Variants in ZSWIM6 observed in about 807,000 individuals in gnomAD.
ZSWIM6 encodes the protein zinc finger SWIM-type containing 6.
ZSWIM6 carries 9 observed loss-of-function variants against 113.2 expected under a neutral mutation model. The observed-to-expected ratio is 0.08, with a 90% CI of 0.05 to 0.14. The LOEUF (loss-of-function observed/expected upper bound fraction) is 0.14. ZSWIM6 is among the 10% of genes least tolerant of loss of function. The pLI, the probability that ZSWIM6 is intolerant of heterozygous loss-of-function variation, is 1.00. For missense variants in ZSWIM6, 1,162 were observed against 1,552.2 expected, an observed-to-expected ratio of 0.75 and a Z score of 4.22; for synonymous variants, 611 against 606.5, an observed-to-expected ratio of 1.01 and a Z score of -0.11.
intron 1 of ZSWIM6, among the ~76,000 whole-genome samples, chr5:61,449,127 GATAGA>G (rs1747031055): frequency 6.6e-6 from 1 of 152,306 alleles, no homozygotes; most frequent in South Asian, 2.1e-4. Context: ...TCATCCTAAT[GATAGA>G]ATAGAGCAGT....
At chr5:61,385,911 G>T (rs931718019) in intron 1 of ZSWIM6, among the ~76,000 whole-genome samples, 11 of 152,138 alleles carry the variant, frequency 7.2e-5, no homozygotes, top group African/African-American at 2.7e-4. Flanking sequence ...TTTTCAGTGG[G>T]GTTCTTGCAC....
At chr5:61,350,385 T>G (rs895075627) in intron 1 of ZSWIM6, among the ~76,000 whole-genome samples, 2 of 152,080 alleles carry the variant, frequency 1.3e-5, no homozygotes, top group East Asian at 1.9e-4. Flanking sequence ...GAAGGTGGTG[T>G]TTTTTGGGAT....
intron 1 of ZSWIM6, among the ~76,000 whole-genome samples, chr5:61,365,431 ATGTT>A (rs1374150160): frequency 7.2e-5 from 11 of 152,140 alleles, no homozygotes; most frequent in Non-Finnish European, 1.2e-4. Context: ...ATTTTGAAAA[ATGTT>A]TGGGAATGGC....
intron 2 of ZSWIM6, among the ~76,000 whole-genome samples, chr5:61,482,785 A>G (rs1428542592): frequency 3.9e-5 from 6 of 152,116 alleles, no homozygotes; most frequent in African/African-American, 1.4e-4. Context: ...AGTTAAGGAA[A>G]TGGAGGCCCG....
At chr5:61,494,505 G>GA in intron 4 of ZSWIM6, 95 bp downstream of exon 4, 1 of 1,458,710 alleles carries the variant, frequency 6.9e-7, no homozygotes, top group South Asian at 1.3e-5. Flanking sequence ...TTGCTGAAGA[G>GA]AGAGCTGCTC....
In ZSWIM6 at chr5:61,544,317, A is replaced by G; in HGVS notation, c.3648A>G (p.Ter1216TrpextTer1). The G allele has an allele frequency of 1.0e-6, 1 of 960,320 alleles. No homozygotes were observed. The highest frequency in any genetic ancestry group is 1.4e-6 in the Non-Finnish European group (1 of 711,950). The allele number at this position is 960,320 out of a possible 1,614,324, so 59.5% of individuals were successfully genotyped here. Residue 1216 changes from the stop codon to tryptophan (W), a stop_lost, in exon 14 of 14, where the codon TGA (stop) becomes TGG (tryptophan). Transcript: ENST00000252744. ...TGTTGGTTCGGGAGAGGTTTGGTTG[A>G]TAGATCTTGTATGAATGGGGTGGGG... is the stretch of plus-strand genomic sequence containing the variant. Reference protein sequence around the residue: ...LMMLVRERFG* With the variant: ...LMMLVRERFGW
At chr5:61,404,618 G>C (rs1163313786) in intron 1 of ZSWIM6, among the ~76,000 whole-genome samples, 1 of 152,202 alleles carries the variant, frequency 6.6e-6, no homozygotes, top group Non-Finnish European at 1.5e-5. Context: ...TTTTCTGCCA[G>C]TAGCTGCCTC....
chr5:61,540,098 G>A (rs1365823940), intron 12 of ZSWIM6, among the ~76,000 whole-genome samples: 1 of 152,224 alleles, frequency 6.6e-6, no homozygotes, highest in African/African-American at 2.4e-5. Context: ...AAGCTAGCAT[G>A]TATAATGAAG....
At chr5:61,453,663 A>C (rs1396709485) in intron 1 of ZSWIM6, among the ~76,000 whole-genome samples, 2 of 151,702 alleles carry the variant, frequency 1.3e-5, no homozygotes, top group African/African-American at 4.8e-5. Context: ...GGTGTAAGCC[A>C]CCACACCCAG....
chr5:61,356,344 C>A (rs1459123433), intron 1 of ZSWIM6, among the ~76,000 whole-genome samples: 1 of 152,010 alleles, frequency 6.6e-6, no homozygotes, highest in East Asian at 1.9e-4. Context: ...GAACCATCTG[C>A]CAATTGATTA....
At chr5:61,446,933 C>T (rs1382519972) in intron 1 of ZSWIM6, among the ~76,000 whole-genome samples, 2 of 152,194 alleles carry the variant, frequency 1.3e-5, no homozygotes, top group African/African-American at 4.8e-5. Flanking sequence ...CTGGTCTACA[C>T]ACATGTTCAA....
At chr5:61,529,946 G>A in intron 7 of ZSWIM6, 106 bp from the exon 8 acceptor site, 4 of 1,019,192 alleles carry the variant, frequency 3.9e-6, no homozygotes, top group Non-Finnish European at 5.5e-6. Context: ...TTCAGAACTG[G>A]TTTATCAGGA....
At position 61,535,261 on chromosome 5, in the gene ZSWIM6, A is replaced by G. The variant is rs118094122; in HGVS notation, c.2246-223A>G. Reference sequence around the variant, plus strand: ...CCCCTGAGTTCTGGGTTTTTCATCTAGCTGTGGGACAGTTAGGGGTTTGTT... The same window carrying G: ...CCCCTGAGTTCTGGGTTTTTCATCTGGCTGTGGGACAGTTAGGGGTTTGTT... On this transcript the variant is annotated intron_variant, in intron 9 of 13. Coordinates refer to ENST00000252744, the MANE Select transcript of ZSWIM6 (RefSeq NM_020928.2). Among the ~76,000 whole-genome samples, 15 of 152,266 alleles carry G rather than the reference A, an allele frequency of 9.9e-5. No individual in the cohort carries two copies. The East Asian group carries it at 2.9e-3, about 29-fold the overall frequency.
intron 4 of ZSWIM6, among the ~76,000 whole-genome samples, chr5:61,503,458 A>G (rs183366653): frequency 1.9e-4 from 29 of 152,342 alleles, no homozygotes; most frequent in Non-Finnish European, 2.9e-4. Flanking sequence ...AGTGAGAAAC[A>G]TTAATAAAGT....
At chr5:61,457,516 C>CT (rs955019632) in intron 1 of ZSWIM6, among the ~76,000 whole-genome samples, 5 of 151,240 alleles carry the variant, frequency 3.3e-5, no homozygotes, top group South Asian at 2.1e-4. Flanking sequence ...GCCCCTCTAT[C>CT]TTTTTTTTTA....
intron 1 of ZSWIM6, among the ~76,000 whole-genome samples, chr5:61,369,659 G>A (rs547604309): frequency 1.2e-4 from 18 of 152,252 alleles, no homozygotes; most frequent in Middle Eastern, 3.4e-3. Context: ...GGTTTATGAT[G>A]ATCCTGACTG....
chr5:61,472,673 CCCT>C lies in ZSWIM6; in HGVS notation c.677-6_677-4del. On this transcript the variant is annotated splice_polypyrimidine_tract_variant and splice_region_variant and intron_variant, in intron 1 of 13. Transcript: ENST00000252744. The surrounding 1 kb of genome is among the most constrained non-coding windows in gnomAD (Gnocchi z 4.1). ...CTAAACCCTCCCTTTCTTTCTTTCA[CCCT>C]CAAGGTTTCCACTTGAGCGGCACAG... 1.3e-6 allele frequency: 2 copies of C among 1,502,042 alleles called. No homozygotes were observed. Among genetic ancestry groups the C allele is most frequent in the Non-Finnish European group, 1.8e-6 (2 of 1,119,218 alleles). The allele number at this position is 1,502,042 out of a possible 1,614,324, so 93.0% of individuals were successfully genotyped here. A position where few individuals can be genotyped will look rare whatever the true frequency, so the allele number is the denominator to read the frequency against.
intron 9 of ZSWIM6, among the ~76,000 whole-genome samples, chr5:61,533,411 T>C (rs546764095): frequency 6.6e-6 from 1 of 152,340 alleles, no homozygotes; most frequent in South Asian, 2.1e-4. Context: ...CCCAGTATTG[T>C]TGCTAGTATT....
chr5:61,467,075 G>A (rs1208658506), intron 1 of ZSWIM6, among the ~76,000 whole-genome samples: 1 of 152,096 alleles, frequency 6.6e-6, no homozygotes, highest in Admixed American at 6.5e-5. Context: ...ACATCAATAT[G>A]GCGTAGAGAA....
Sources: gnomAD v4.1 joint callset for allele counts (sites outside exome capture counted in the v4.1 genomes callset) on GRCh38, gnomAD v4.1.1 for gene constraint, Gnocchi (gnomAD v3.1) non-coding constraint, MANE v1.5 for transcripts, NCBI Gene and HGNC (gene_info 2026-07-23, HGNC 2026-07-21) for gene names.